Variants in GSTA2 observed in about 807,000 individuals in gnomAD.
GSTA2 encodes glutathione S-transferase alpha 2, also known as glutathione S-transferase A2.
GSTA2 carries 27 observed loss-of-function variants against 22.4 expected under a neutral mutation model. The observed-to-expected ratio is 1.21, with a 90% CI of 0.89 to 1.67. The LOEUF is 1.67. GSTA2 is among the 40% of genes most tolerant of loss of function. The pLI is 0.00. For missense variants in GSTA2, 302 were observed against 260.2 expected (o/e 1.16, Z -1.11); for synonymous variants, 121 against 86.8 (o/e 1.39, Z -2.19).
At chr6:52,753,658 T>G (rs927366307) in intron 4 of GSTA2, among the ~76,000 whole-genome samples, 18 of 152,236 alleles carry the variant, frequency 1.2e-4, no homozygotes, top group African/African-American at 4.1e-4. Flanking sequence ...GTGCAAACTT[T>G]TCTTCTTTTG....
At chr6:52,760,536 G>A (rs1294231177) in intron 1 of GSTA2, among the ~76,000 whole-genome samples, 4 of 152,132 alleles carry the variant, frequency 2.6e-5, no homozygotes, top group African/African-American at 9.7e-5. Context: ...CCTAATTAAA[G>A]ATGGGTACAC....
Position 52,751,533 on chromosome 6 carries a change from G to T in GSTA2, c.546+44C>A, listed in dbSNP as rs182611304. On this transcript the variant is annotated intron_variant, in intron 6 of 6. Coordinates refer to ENST00000493422, the MANE Select transcript of GSTA2 (RefSeq NM_000846.5). The stretch of plus-strand genomic sequence containing the variant: ...GGGCCCAGATACAAGATCCCAAGAT[G>T]GGAGATGTGGGTCTGCCTCTCTGAA... 165 of 1,612,702 alleles carry T rather than the reference G, an allele frequency of 1.0e-4. No homozygotes were observed. In the East Asian group the frequency reaches 3.6e-3, roughly 35 times the overall value.
intron 1 of GSTA2, among the ~76,000 whole-genome samples, chr6:52,762,724 CTCTT>C (rs1444611306): frequency 2.0e-5 from 3 of 152,188 alleles, no homozygotes; most frequent in African/African-American, 7.2e-5. Flanking sequence ...GTCTCTGTGT[CTCTT>C]TCTTTTCTCA....
intron 1 of GSTA2, among the ~76,000 whole-genome samples, chr6:52,759,397 G>T (rs755480754): frequency 2.6e-5 from 4 of 152,068 alleles, no homozygotes; most frequent in Non-Finnish European, 2.9e-5. Flanking sequence ...AAAGACACAG[G>T]ACTCATTGAA....
chr6:52,751,553 T>A (rs752140742), intron 6 of GSTA2, 24 bp downstream of exon 6: 1 of 1,613,826 alleles, frequency 6.2e-7, no homozygotes, highest in Non-Finnish European at 8.5e-7. Flanking sequence ...GGTCTGCCTC[T>A]CTGAAGACTG....
chr6:52,750,218 G>A lies in GSTA2; in HGVS notation c.*359C>T, dbSNP rs55935488. ...CCTGTGCATACCTGAAAATGTCAGA[G>A]GTGCATTTTTACATTGGCATTTTAA... On this transcript the variant is annotated 3_prime_UTR_variant, in exon 7 of 7. Transcript: ENST00000493422. 0.015 allele frequency: 2,776 copies of A among 189,892 alleles called. 88 individuals carry two copies. Among genetic ancestry groups the A allele is most frequent in the African/African-American group, 0.061 (2,565 of 42,088 alleles). The allele number at this position is 189,892 out of a possible 1,614,324, so 11.8% of individuals were successfully genotyped here.
rs373849872 is a variant in GSTA2, at chr6:52,754,938, C to T, written c.272+5G>A. 1.4e-5 allele frequency: 22 copies of T among 1,612,736 alleles called. No homozygotes were observed. The highest frequency in any genetic ancestry group is 6.7e-5 in the Admixed American group (4 of 59,946). On this transcript the variant is annotated splice_donor_5th_base_variant and intron_variant, in intron 4 of 6. Transcript: ENST00000493422. Reference sequence around the variant, plus strand: ...GTGGATGGAAGAACAGAAAATATACCGTACAGGGCTTTCTCCTTTATGTCT... The same window carrying T: ...GTGGATGGAAGAACAGAAAATATACTGTACAGGGCTTTCTCCTTTATGTCT...
intron 4 of GSTA2, 144 bp from the exon 5 acceptor site, chr6:52,753,139 C>T: frequency 1.4e-6 from 1 of 701,514 alleles, no homozygotes; most frequent in Non-Finnish European, 2.3e-6. Context: ...TCATTATGCT[C>T]TGAGTTTTAC....
At chr6:52,762,757 C>A (rs552352150) in intron 1 of GSTA2, among the ~76,000 whole-genome samples, 3 of 152,214 alleles carry the variant, frequency 2.0e-5, no homozygotes, top group Non-Finnish European at 4.4e-5. Flanking sequence ...TCCCACCCAA[C>A]AAGAAACACC....
chr6:52,758,750 G>A (rs1762897219), intron 1 of GSTA2, among the ~76,000 whole-genome samples: 1 of 152,178 alleles, frequency 6.6e-6, no homozygotes, highest in South Asian at 2.1e-4. Flanking sequence ...ACTCTATGGG[G>A]TGCATTTTGT....
chr6:52,756,913 A>T (rs1194381675), intron 2 of GSTA2, among the ~76,000 whole-genome samples: 1 of 151,894 alleles, frequency 6.6e-6, no homozygotes, highest in East Asian at 1.9e-4. Flanking sequence ...GTCCCACACT[A>T]GCATTATTTT....
intron 5 of GSTA2, among the ~76,000 whole-genome samples, chr6:52,752,257 A>G (rs1762758381): frequency 6.6e-6 from 1 of 152,132 alleles, no homozygotes; most frequent in South Asian, 2.1e-4. Context: ...TTTTTACAGC[A>G]TCGACTCTGG....
chr6:52,757,147 G>C (rs11967827), intron 2 of GSTA2, among the ~76,000 whole-genome samples: 3 of 109,134 alleles, frequency 2.7e-5, no homozygotes, highest in South Asian at 7.2e-4. Flanking sequence ...TGCTGTGAAT[G>C]TAGTCAATCT....
chr6:52,756,455 T>C, intron 2 of GSTA2, 146 bp from the exon 3 acceptor site: 1 of 624,484 alleles, frequency 1.6e-6, no homozygotes, highest in South Asian at 1.9e-5. Flanking sequence ...GTCATGGCCA[T>C]TTGGAAATTT....
intron 3 of GSTA2, among the ~76,000 whole-genome samples, chr6:52,755,854 C>T (rs1006479255): frequency 6.6e-6 from 1 of 150,798 alleles, no homozygotes; most frequent in Non-Finnish European, 1.5e-5. Flanking sequence ...CAGTCCCACT[C>T]CCCCCATGAA....
chr6:52,762,446 T>C (rs1762967669), intron 1 of GSTA2, among the ~76,000 whole-genome samples: 2 of 152,208 alleles, frequency 1.3e-5, no homozygotes, highest in Non-Finnish European at 2.9e-5. Flanking sequence ...AATACTGCTC[T>C]TTAATGCACC....
chr6:52,754,994 T>C lies in GSTA2; in HGVS notation c.221A>G (p.Tyr74Cys), dbSNP rs1412202028. ...KLVQTRAILN[Y>C]IASKYNLYGK... is the part of the protein sequence containing the mutation. The stretch of plus-strand genomic sequence containing the variant: ...ATAGAGGTTGTATTTGCTGGCAATG[T>C]AGTTGAGAATGGCTCTGGTCTGCAC... The change falls in exon 4 of 7, where the codon TAC becomes TGC. Residue 74 changes from tyrosine to cysteine, a missense_variant. Physicochemically the swap from Tyr to Cys is radical, Grantham distance 194. Transcript: ENST00000493422. 6.2e-7 allele frequency: 1 copy of C among 1,614,028 alleles called. No individual in the cohort carries two copies.
intron 5 of GSTA2, among the ~76,000 whole-genome samples, chr6:52,752,237 T>C (rs1561893605): frequency 6.6e-6 from 1 of 152,222 alleles, no homozygotes; most frequent in African/African-American, 2.4e-5. Context: ...TGAACCTGAA[T>C]TCATCATCTT....
intron 6 of GSTA2, 152 bp from the exon 7 acceptor site, chr6:52,750,851 G>C (rs1262300313): frequency 1.1e-6 from 1 of 884,012 alleles, no homozygotes; most frequent in African/African-American, 1.7e-5. Context: ...CAGTGAGAAA[G>C]GAAGATAAGA....
Sources: allele counts gnomAD v4.1 joint callset (sites outside exome capture counted in the v4.1 genomes callset), GRCh38; gene constraint gnomAD v4.1.1; transcripts MANE v1.5; gene names NCBI Gene and HGNC (gene_info 2026-07-23, HGNC 2026-07-21).